The following PTK2 variants were observed in gnomAD, a reference collection of about 807,000 sequenced individuals.
PTK2 encodes protein tyrosine kinase 2, also known as focal adhesion kinase 1.
Under a neutral mutation model 150.1 loss-of-function variants are expected in PTK2, and 45 were observed. The ratio of observed to expected loss-of-function variants is 0.30; its 90% CI spans 0.24 to 0.38. PTK2 has a LOEUF of 0.38. PTK2 is among the 10% of genes least tolerant of loss of function. The pLI is 1.00. For synonymous variants in PTK2, 432 were observed against 449.2 expected (o/e 0.96, Z 0.48); for missense variants, 919 against 1,307.3 (o/e 0.70, Z 4.58).
intron 14 of PTK2, 32 bp from the exon 17 acceptor site, chr8:140,764,322 G>C (rs1565897217): frequency 3.3e-6 from 5 of 1,518,724 alleles, no homozygotes; most frequent in East Asian, 4.5e-5. Flanking sequence ...TGTTGAAAGA[G>C]GTTAAACATC....
At chr8:140,698,899 G>A (rs2100028481) in intron 26 of PTK2, among the ~76,000 whole-genome samples, 1 of 150,650 alleles carries the variant, frequency 6.6e-6, no homozygotes, top group Non-Finnish European at 1.5e-5. Flanking sequence ...ATAGGCATGA[G>A]CCACTGCACC....
intron 29 of PTK2, among the ~76,000 whole-genome samples, chr8:140,672,875 A>G (rs545871678): frequency 7.9e-5 from 12 of 152,218 alleles, no homozygotes; most frequent in Admixed American, 1.3e-4. Flanking sequence ...GAGGCTGTGT[A>G]ACCTTGAACA....
intron 7 of PTK2, among the ~76,000 whole-genome samples, chr8:140,841,219 T>C (rs1288452345): frequency 1.3e-5 from 2 of 152,120 alleles, no homozygotes; most frequent in Non-Finnish European, 2.9e-5. Flanking sequence ...TACAACAAAA[T>C]GTTAATAACT....
chr8:140,905,905 C>T (rs1425408947), intron 2 of PTK2, among the ~76,000 whole-genome samples: 1 of 152,060 alleles, frequency 6.6e-6, no homozygotes, highest in Non-Finnish European at 1.5e-5. Context: ...CAACTTGCTC[C>T]TCCTGAATGA....
intron 1 of PTK2, among the ~76,000 whole-genome samples, chr8:140,989,198 G>A (rs2100194593): frequency 9.3e-6 from 1 of 107,038 alleles, no homozygotes; most frequent in South Asian, 3.4e-4. Context: ...GGCAACATAG[G>A]AAGACCCTGT....
At chr8:140,762,477 A>C (rs2100069944) in intron 15 of PTK2, 89 bp from the exon 18 acceptor site, 2 of 498,168 alleles carry the variant, frequency 4.0e-6, no homozygotes, top group South Asian at 4.9e-5. Flanking sequence ...CTTGAAGAGA[A>C]TATTTCAACA....
chr8:140,763,007 C>G (rs1466615246), intron 15 of PTK2, among the ~76,000 whole-genome samples: 1 of 152,158 alleles, frequency 6.6e-6, no homozygotes, highest in Admixed American at 6.5e-5. Flanking sequence ...GTAACGTACT[C>G]TTAGACTCAA....
intron 1 of PTK2, among the ~76,000 whole-genome samples, chr8:140,967,111 G>A (rs1243291030): frequency 6.6e-6 from 1 of 152,074 alleles, no homozygotes; most frequent in Non-Finnish European, 1.5e-5. Flanking sequence ...TTACATACAA[G>A]GAAACAGACT....
intron 27 of PTK2, chr8:140,675,762 C>G: frequency 2.7e-6 from 1 of 368,504 alleles, no homozygotes; most frequent in Non-Finnish European, 4.9e-6. Flanking sequence ...GTGGTCATAA[C>G]CCATTTAAAA....
chr8:140,716,534 C>T (rs1314033783), intron 23 of PTK2, among the ~76,000 whole-genome samples: 1 of 152,188 alleles, frequency 6.6e-6, no homozygotes, highest in East Asian at 1.9e-4. Flanking sequence ...GAGGCACCCT[C>T]TGTCTCTAAA....
At chr8:140,907,557 A>T (rs11774679) in intron 2 of PTK2, among the ~76,000 whole-genome samples, 63,264 of 151,812 alleles carry the variant, frequency 0.42, 15,090 homozygotes, top group Non-Finnish European at 0.55. Flanking sequence ...CCTTTTTTTT[A>T]AAACAAAAAC....
At chr8:140,808,195 T>C (rs764066948) in intron 10 of PTK2, among the ~76,000 whole-genome samples, 58 of 152,218 alleles carry the variant, frequency 3.8e-4, no homozygotes, top group Non-Finnish European at 6.8e-4. Flanking sequence ...TAGAAATGTC[T>C]GCTGCTACAG....
chr8:140,820,075 G>GT (rs1477006274), intron 8 of PTK2, among the ~76,000 whole-genome samples: 1 of 49,102 alleles, frequency 2.0e-5, no homozygotes, highest in Non-Finnish European at 4.5e-5. Context: ...ATCTGACTTT[G>GT]GTTTTTTTTT....
chr8:140,686,828 A>G (rs1400120839), intron 26 of PTK2, 134 bp from the exon 30 acceptor site: 20 of 765,404 alleles, frequency 2.6e-5, no homozygotes, highest in Non-Finnish European at 4.2e-6. Flanking sequence ...CCCCGTTTCA[A>G]AAAAATTCCA....
intron 14 of PTK2, among the ~76,000 whole-genome samples, chr8:140,785,923 T>G (rs956584323): frequency 6.6e-6 from 1 of 152,240 alleles, no homozygotes; most frequent in Admixed American, 6.5e-5. Context: ...GCAGGTTTAC[T>G]GTCATACAGA....
chr8:140,941,130 G>A (rs907286714), intron 1 of PTK2, among the ~76,000 whole-genome samples: 10 of 152,102 alleles, frequency 6.6e-5, no homozygotes, highest in African/African-American at 1.2e-4. Flanking sequence ...TACACCAACC[G>A]GAACTGTCAC....
chr8:140,902,520 T>C (rs889828247), intron 2 of PTK2, among the ~76,000 whole-genome samples: 3 of 152,222 alleles, frequency 2.0e-5, no homozygotes, highest in African/African-American at 7.2e-5. Context: ...TTCTAGATCC[T>C]TGAGGAATTG....
intron 30 of PTK2, among the ~76,000 whole-genome samples, chr8:140,667,908 C>T (rs2093321067): frequency 6.6e-6 from 1 of 152,152 alleles, no homozygotes. Flanking sequence ...AAGTCTTACA[C>T]AGGATTATTT....
In PTK2 at chr8:140,773,855, G is replaced by T. The variant is rs564291795; in HGVS notation, c.1178-9565C>A. ...GATAATGGGTAAGGCCACTAGTCAAGAAAAAAATGCCTTTCAACAATTGCT... is the reference window on the plus strand; with the variant it reads ...GATAATGGGTAAGGCCACTAGTCAATAAAAAAATGCCTTTCAACAATTGCT... On this transcript the variant is annotated intron_variant, in intron 14 of 31. Coordinates refer to ENST00000522684, the Ensembl canonical transcript of PTK2. Among the ~76,000 whole-genome samples, 5 of 152,160 alleles carry T rather than the reference G, an allele frequency of 3.3e-5. No homozygotes were observed. In the South Asian group the frequency reaches 1.0e-3, roughly 32 times the overall value.
Sources: gnomAD v4.1 joint callset for allele counts (sites outside exome capture counted in the v4.1 genomes callset) on GRCh38, gnomAD v4.1.1 for gene constraint, MANE v1.5 for transcripts, NCBI Gene and HGNC (gene_info 2026-07-23, HGNC 2026-07-21) for gene names.